RNFT2: variants seen among roughly 807,000 people sequenced by gnomAD.
RNFT2 encodes ring finger protein, transmembrane 2, also known as E3 ubiquitin-protein ligase RNFT2.
RNFT2 carries 36 observed loss-of-function variants against 53.0 expected under a neutral mutation model. The ratio of observed to expected loss-of-function variants is 0.68; its 90% CI spans 0.52 to 0.90. The LOEUF (loss-of-function observed/expected upper bound fraction) is 0.90. RNFT2 is among the 40% of genes least tolerant of loss of function. RNFT2 has a pLI of 0.00. For synonymous variants in RNFT2, 260 were observed against 253.2 expected, an observed-to-expected ratio of 1.03 and a Z score of -0.26; for missense variants, 514 against 585.6, an observed-to-expected ratio of 0.88 and a Z score of 1.26.
rs1416158515 is a variant in RNFT2, at chr12:116,786,710, G to T, written c.882+7362G>T. 2.6e-5 allele frequency among the ~76,000 whole-genome samples: 4 copies of T among 152,316 alleles called. No individual in the cohort carries two copies. In the East Asian group the frequency reaches 7.7e-4, roughly 29 times the overall value. On this transcript the variant is annotated intron_variant, in intron 7 of 10. Coordinates refer to ENST00000257575, the MANE Select transcript of RNFT2 (RefSeq NM_001382266.1). ...TGCAGTAACGAAATACCACAAACTT[G>T]GTGGCTTGAAATAACAGAAATTTGT...
intron 2 of RNFT2, 180 bp downstream of exon 2, chr12:116,740,701 A>T: frequency 1.5e-6 from 1 of 664,888 alleles, no homozygotes; most frequent in Non-Finnish European, 2.7e-6. Context: ...TCAACCCAGA[A>T]TCCATGTCTC....
At chr12:116,747,151 G>A (rs1315923882) in intron 3 of RNFT2, among the ~76,000 whole-genome samples, 3 of 152,094 alleles carry the variant, frequency 2.0e-5, no homozygotes, top group Non-Finnish European at 4.4e-5. Context: ...CCACCTCCTG[G>A]GCTCAAGCCA....
chr12:116,789,960 G>GGA (rs1555261851), intron 7 of RNFT2, among the ~76,000 whole-genome samples: 2 of 146,170 alleles, frequency 1.4e-5, no homozygotes, highest in African/African-American at 2.5e-5. Flanking sequence ...GGATGGGTGG[G>GGA]TGGATGGATG....
At position 116,850,625 on chromosome 12, in the gene RNFT2, T is replaced by TTCTTTTTCTTTTTC. The variant is rs548979341; in HGVS notation, c.*1178_*1179insCTTTTTCTTTTTCT. 0.025 allele frequency: 3,672 copies of TTCTTTTTCTTTTTC among 146,536 alleles called. 97 individuals carry two copies. Among genetic ancestry groups the TTCTTTTTCTTTTTC allele is most frequent in the African/African-American group, 0.063 (2,453 of 39,084 alleles). 9.1% of individuals were successfully genotyped at this position (146,536 alleles called of 1,614,324 possible). ...AGTATTTTTTCTTTTCTTTTCTTTT[T>TTCTTTTTCTTTTTC]TTTTTTTTTTTTGTTGTTGTGAGAC... On this transcript the variant is annotated 3_prime_UTR_variant, in exon 11 of 11. Coordinates refer to ENST00000257575, the MANE Select transcript of RNFT2 (RefSeq NM_001382266.1).
chr12:116,805,276 C>T (rs753551304), intron 7 of RNFT2, among the ~76,000 whole-genome samples: 3 of 151,936 alleles, frequency 2.0e-5, no homozygotes, highest in Non-Finnish European at 4.4e-5. Flanking sequence ...TCTCTTTTTC[C>T]TAATCTTGAT....
intron 7 of RNFT2, among the ~76,000 whole-genome samples, chr12:116,788,574 G>A (rs1874044823): frequency 6.6e-6 from 1 of 152,060 alleles, no homozygotes; most frequent in African/African-American, 2.4e-5. Context: ...CCACCACTCT[G>A]ACTGTAATTG....
intron 10 of RNFT2, among the ~76,000 whole-genome samples, chr12:116,841,855 A>AGAGAAAGAGAGAGAG (rs1565876093): frequency 4.1e-5 from 1 of 24,534 alleles, no homozygotes; most frequent in African/African-American, 1.5e-4. Context: ...AAATATATAT[A>AGAGAAAGAGAGAGAG]AAAATATATA....
intron 3 of RNFT2, among the ~76,000 whole-genome samples, chr12:116,742,712 G>A (rs905494853): frequency 1.3e-5 from 2 of 152,132 alleles, no homozygotes; most frequent in Non-Finnish European, 2.9e-5. Context: ...GGAGACCAAG[G>A]TGGGAGGATA....
Position 116,750,213 on chromosome 12 carries a change from C to A in RNFT2, c.456C>A (p.Ala152=). The change falls in exon 4 of 11, where the codon GCC becomes GCA. Residue 152 remains alanine, a synonymous_variant. Transcript: ENST00000257575. The part of the protein sequence containing the change: ...GDEQPGTPAP[A]LSELKAVICW... ...AGCAGCCTGGGACGCCCGCCCCCGC[C>A]CTGTCCGAGCTGAAGGCTGTGATCT... 6.2e-7 allele frequency: 1 copy of A among 1,605,886 alleles called. No individual in the cohort carries two copies.
chr12:116,825,796 C>T (rs1305129490), intron 7 of RNFT2, among the ~76,000 whole-genome samples: 1 of 152,046 alleles, frequency 6.6e-6, no homozygotes, highest in Non-Finnish European at 1.5e-5. Flanking sequence ...GATGAAGAAA[C>T]TGAGGGTCAT....
intron 7 of RNFT2, among the ~76,000 whole-genome samples, chr12:116,795,715 G>A (rs1874471100): frequency 1.3e-5 from 2 of 152,102 alleles, no homozygotes; most frequent in Admixed American, 6.6e-5. Context: ...AGCAGATGGA[G>A]AAACATAAAA....
intron 7 of RNFT2, among the ~76,000 whole-genome samples, chr12:116,825,942 TA>T (rs1028781811): frequency 7.9e-5 from 12 of 152,190 alleles, no homozygotes; most frequent in African/African-American, 2.9e-4. Flanking sequence ...AAGAGATTCG[TA>T]AACAGGCAAA....
intron 6 of RNFT2, among the ~76,000 whole-genome samples, chr12:116,776,667 G>A (rs1351713025): frequency 1.3e-5 from 2 of 152,180 alleles, no homozygotes; most frequent in Admixed American, 6.5e-5. Context: ...TTTTCTGCCA[G>A]CCCAGCTGAG....
intron 7 of RNFT2, among the ~76,000 whole-genome samples, chr12:116,792,238 C>A (rs140455398): frequency 0.015 from 2,346 of 152,040 alleles, 71 homozygotes; most frequent in African/African-American, 0.053. Context: ...TTAGTAGAGA[C>A]GGGGTTTCAC....
intron 3 of RNFT2, among the ~76,000 whole-genome samples, chr12:116,748,006 C>T (rs1359386598): frequency 4.6e-5 from 7 of 152,176 alleles, no homozygotes; most frequent in Admixed American, 6.5e-5. Flanking sequence ...GCCTGGCCAA[C>T]GCGGTGAAAC....
intron 3 of RNFT2, among the ~76,000 whole-genome samples, chr12:116,742,061 C>G (rs895184968): frequency 5.3e-5 from 8 of 152,118 alleles, no homozygotes; most frequent in Non-Finnish European, 1.0e-4. Context: ...TCTTCCATTT[C>G]TCAAGATGAA....
chr12:116,792,775 G>A (rs978525417), intron 7 of RNFT2, among the ~76,000 whole-genome samples: 3 of 152,174 alleles, frequency 2.0e-5, no homozygotes, highest in South Asian at 4.2e-4. Flanking sequence ...CATCTGCAGC[G>A]GGGGGAAGAC....
chr12:116,830,256 C>T (rs1226015793), intron 7 of RNFT2, among the ~76,000 whole-genome samples: 1 of 152,014 alleles, frequency 6.6e-6, no homozygotes, highest in African/African-American at 2.4e-5. Context: ...GCCAGTTGCC[C>T]CATTGACATT....
intron 7 of RNFT2, among the ~76,000 whole-genome samples, chr12:116,811,376 T>TC (rs1875364805): frequency 2.0e-5 from 3 of 150,278 alleles, no homozygotes; most frequent in Non-Finnish European, 3.0e-5. Flanking sequence ...TGGGTGTATT[T>TC]TTTTTTTTCC....
Sources: allele counts gnomAD v4.1 joint callset (sites outside exome capture counted in the v4.1 genomes callset), GRCh38; gene constraint gnomAD v4.1.1; transcripts MANE v1.5; gene names NCBI Gene and HGNC (gene_info 2026-07-23, HGNC 2026-07-21).